DNM3: variants seen among roughly 807,000 people sequenced by gnomAD.
DNM3 encodes the protein dynamin-3.
DNM3 carries 47 observed loss-of-function variants against 101.6 expected under a neutral mutation model. That is an observed-to-expected ratio of 0.46 (90% CI 0.37 to 0.59). The LOEUF is 0.59. DNM3 is among the 20% of genes least tolerant of loss of function. DNM3 has a pLI of 0.00. For synonymous variants in DNM3, 385 were observed against 387.9 expected (o/e 0.99, Z 0.09); for missense variants, 849 against 1,085.7 (o/e 0.78, Z 3.06).
chr1:171,985,434 T>A (rs1249475157), intron 2 of DNM3, among the ~76,000 whole-genome samples: 1 of 152,322 alleles, frequency 6.6e-6, no homozygotes, highest in Admixed American at 6.5e-5. Flanking sequence ...GGAATTTATA[T>A]TCTAATAAAG....
rs562309511 is a variant in DNM3, at chr1:172,390,709, A to G, written c.2522+1900A>G. 8.5e-5 allele frequency among the ~76,000 whole-genome samples: 13 copies of G among 152,326 alleles called. No homozygotes were observed. In the South Asian group the frequency reaches 2.3e-3, roughly 27 times the overall value. On this transcript the variant is annotated intron_variant, in intron 20 of 20. Transcript: ENST00000627582. Reference sequence around the variant, plus strand: ...CCTTGCTACAAGCAAGATCCAATTTATTATTTTAGAAAACCTCAAATTGAC... The same window carrying G: ...CCTTGCTACAAGCAAGATCCAATTTGTTATTTTAGAAAACCTCAAATTGAC...
intron 14 of DNM3, among the ~76,000 whole-genome samples, chr1:172,188,171 T>G (rs1212958715): frequency 1.3e-5 from 2 of 152,114 alleles, no homozygotes; most frequent in Non-Finnish European, 2.9e-5. Flanking sequence ...ACTTTGAAAA[T>G]CCATCAATTT....
In DNM3 at chr1:172,327,460, AGTAG is replaced by A. The variant is rs2065983453; in HGVS notation, c.1893+4121_1893+4124del. On this transcript the variant is annotated intron_variant, in intron 17 of 20. Transcript: ENST00000627582. ...TTGTCCTTGGTCGTATGTGAGAGAA[AGTAG>A]ATAGCCACTGAAAACTCATCCTCAC... is the stretch of plus-strand genomic sequence containing the variant. Among the ~76,000 whole-genome samples, 2 of 152,196 alleles carry A rather than the reference AGTAG, an allele frequency of 1.3e-5. 1 individual carries two copies. Among genetic ancestry groups the A allele is most frequent in the South Asian group, 4.1e-4 (2 of 4,832 alleles).
chr1:172,240,581 A>G (rs1177046464), intron 14 of DNM3, among the ~76,000 whole-genome samples: 1 of 152,230 alleles, frequency 6.6e-6, no homozygotes, highest in Non-Finnish European at 1.5e-5. Context: ...ACTGTTATTT[A>G]AGGCAAGTAC....
At chr1:172,253,755 G>A in intron 15 of DNM3, 73 bp downstream of exon 15, 1 of 970,062 alleles carries the variant, frequency 1.0e-6, no homozygotes. Context: ...GATCATATTT[G>A]AAAATAGTTC....
intron 13 of DNM3, 79 bp downstream of exon 13, chr1:172,092,954 A>G: frequency 7.5e-7 from 1 of 1,334,860 alleles, no homozygotes; most frequent in Non-Finnish European, 1.0e-6. Context: ...TATTTTTTTA[A>G]TGCAAATTAA....
At chr1:172,124,247 G>A (rs2056491035) in intron 13 of DNM3, among the ~76,000 whole-genome samples, 1 of 152,088 alleles carries the variant, frequency 6.6e-6, no homozygotes, top group Non-Finnish European at 1.5e-5. Flanking sequence ...AAAAGTTCAA[G>A]AATTACATTC....
In DNM3 at chr1:172,032,460, C is replaced by T; in HGVS notation, c.648C>T (p.Ala216=). 1 of 1,610,118 alleles carries T rather than the reference C, an allele frequency of 6.2e-7. No individual in the cohort carries two copies. The part of the protein sequence containing the change: ...KLDLMDEGTD[A]RDVLENKLLP... ...ACCTTATGGATGAAGGAACGGATGCCAGGGATGTTCTAGAGAACAAACTGT... is the reference window on the plus strand; with the variant it reads ...ACCTTATGGATGAAGGAACGGATGCTAGGGATGTTCTAGAGAACAAACTGT... The change falls in exon 5 of 21, where the codon GCC becomes GCT. Residue 216 remains alanine, a synonymous_variant. Transcript: ENST00000627582.
intron 14 of DNM3, chr1:172,144,719 C>T: frequency 2.2e-6 from 1 of 456,884 alleles, no homozygotes; most frequent in Admixed American, 2.4e-5. Flanking sequence ...ATTCAGCTTT[C>T]CCCCCTGAAT....
chr1:172,355,730 GTA>G (rs2067420685), intron 17 of DNM3, among the ~76,000 whole-genome samples: 1 of 152,140 alleles, frequency 6.6e-6, no homozygotes, highest in South Asian at 2.1e-4. Context: ...TACCTAGAAT[GTA>G]ACACAGAAAG....
chr1:172,084,078 C>A (rs1034033958), intron 12 of DNM3, among the ~76,000 whole-genome samples: 4 of 152,164 alleles, frequency 2.6e-5, no homozygotes, highest in Admixed American at 2.6e-4. Flanking sequence ...TGGGAGTCAA[C>A]AATCCAGGTT....
At position 172,409,467 on chromosome 1, in the gene DNM3, A is replaced by G; in HGVS notation, c.*1626A>G. The G allele has an allele frequency of 1.0e-6, 1 of 984,262 alleles. No homozygotes were observed. The highest frequency in any genetic ancestry group is 1.2e-6 in the Non-Finnish European group (1 of 828,910). 61.0% of individuals were successfully genotyped at this position (984,262 alleles called of 1,614,324 possible). On this transcript the variant is annotated 3_prime_UTR_variant, in exon 21 of 21. Coordinates refer to ENST00000627582, the MANE Select transcript of DNM3 (RefSeq NM_015569.5). ...TAAAGGCTTATGCTAACCCATTTATAATTGGTAAAAATCAGAAAATACAAG... is the reference window on the plus strand; with the variant it reads ...TAAAGGCTTATGCTAACCCATTTATGATTGGTAAAAATCAGAAAATACAAG...
intron 15 of DNM3, among the ~76,000 whole-genome samples, chr1:172,275,398 C>T (rs2063243813): frequency 6.6e-6 from 1 of 152,100 alleles, no homozygotes; most frequent in Admixed American, 6.6e-5. Flanking sequence ...CTTCTACAAT[C>T]TGGAAAATAT....
At chr1:171,983,280 C>A (rs546569064) in intron 2 of DNM3, among the ~76,000 whole-genome samples, 1 of 151,874 alleles carries the variant, frequency 6.6e-6, no homozygotes, top group South Asian at 2.1e-4. Context: ...CACAGTGAGA[C>A]CTCATCACTA....
intron 2 of DNM3, among the ~76,000 whole-genome samples, chr1:171,968,876 A>G (rs561799023): frequency 1.2e-4 from 18 of 152,334 alleles, no homozygotes; most frequent in Non-Finnish European, 2.1e-4. Context: ...TTCAAGTACC[A>G]AATGCAAAAT....
intron 12 of DNM3, 33 bp from the exon 13 acceptor site, chr1:172,092,791 C>G: frequency 6.5e-7 from 1 of 1,532,916 alleles, no homozygotes; most frequent in Non-Finnish European, 8.8e-7. Context: ...TTATATGTGT[C>G]TCTTCAGTGC....
At chr1:171,901,112 C>CAAAAAAAAAAAAAAAAAA (rs1243053508) in intron 1 of DNM3, among the ~76,000 whole-genome samples, 1 of 66,756 alleles carries the variant, frequency 1.5e-5, no homozygotes. Context: ...GACTCTGTCT[C>CAAAAAAAAAAAAAAAAAA]AAAAAAAAAA....
chr1:172,411,255 A>G lies in DNM3; in HGVS notation c.*3414A>G. ...TCATTTCTCATAACATATATGAGGT[A>G]TACAAAATTTTCTAACTCCAGATTG... On this transcript the variant is annotated 3_prime_UTR_variant, in exon 21 of 21. Coordinates refer to ENST00000627582, the MANE Select transcript of DNM3 (RefSeq NM_015569.5). The G allele has an allele frequency of 1.0e-6, 1 of 985,224 alleles. No homozygotes were observed. The highest frequency in any genetic ancestry group is 1.2e-6 in the Non-Finnish European group (1 of 829,758). The allele number at this position is 985,224 out of a possible 1,614,324, so 61.0% of individuals were successfully genotyped here.
At chr1:172,387,394 G>A (rs746987709) in intron 19 of DNM3, 35 bp downstream of exon 19, 15 of 1,554,788 alleles carry the variant, frequency 9.6e-6, no homozygotes, top group South Asian at 2.3e-5. Context: ...GCGGTGGCTC[G>A]CTCCTGTAAT....
Sources: gnomAD v4.1 joint callset for allele counts (sites outside exome capture counted in the v4.1 genomes callset) on GRCh38, gnomAD v4.1.1 for gene constraint, MANE v1.5 for transcripts, NCBI Gene and HGNC (gene_info 2026-07-23, HGNC 2026-07-21) for gene names.